The following EXOC5 variants were observed in gnomAD, a reference collection of about 807,000 sequenced individuals.
The protein encoded by EXOC5 is exocyst complex component 5.
A neutral mutation model predicts 90.8 loss-of-function variants in EXOC5; 17 were observed. That is an observed-to-expected ratio of 0.19 (90% confidence interval 0.13 to 0.28). The LOEUF (loss-of-function observed/expected upper bound fraction) is 0.28, where lower values mean the gene tolerates loss of function less well. EXOC5 is among the 10% of genes least tolerant of loss of function. The pLI is 1.00. For synonymous variants in EXOC5, 260 were observed against 270.0 expected (o/e 0.96, Z 0.36); for missense variants, 569 against 830.6 (o/e 0.69, Z 3.87).
At chr14:57,256,175 G>T (rs10133300) in intron 1 of EXOC5, among the ~76,000 whole-genome samples, 36,992 of 151,912 alleles carry the variant, frequency 0.24, 10,843 homozygotes, top group African/African-American at 0.71. Context: ...CTTTGGCTAG[G>T]GCAATCAACC....
chr14:57,268,666 C>T lies in EXOC5; in HGVS notation c.-18G>A. Reference sequence around the variant, plus strand: ...GTAGCCATCCCGGCCGGCTGAGAGGCTCGCCCCCCACTGGATGCCGTCTCC... The same window carrying T: ...GTAGCCATCCCGGCCGGCTGAGAGGTTCGCCCCCCACTGGATGCCGTCTCC... On this transcript the variant is annotated 5_prime_UTR_variant, in exon 1 of 18. Transcript: ENST00000621441. The T allele has an allele frequency of 1.9e-6, 3 of 1,580,376 alleles. No homozygotes were observed. The highest frequency in any genetic ancestry group is 1.7e-6 in the Non-Finnish European group (2 of 1,171,510).
Position 57,201,165 on chromosome 14 carries a change from C to A in EXOC5, c.*7444G>T, listed in dbSNP as rs969935931. ...AATCTTGATTTCTAACTGCCAATTTCACTAAAAGGTGGAGGAATGGCTGAT... is the reference window on the plus strand; with the variant it reads ...AATCTTGATTTCTAACTGCCAATTTAACTAAAAGGTGGAGGAATGGCTGAT... On this transcript the variant is annotated 3_prime_UTR_variant, in exon 18 of 18. Coordinates refer to ENST00000621441, the MANE Select transcript of EXOC5 (RefSeq NM_006544.4). The A allele has an allele frequency of 6.6e-6, 1 of 152,042 alleles. No homozygotes were observed. The highest frequency in any genetic ancestry group is 6.6e-5 in the Admixed American group (1 of 15,252). The allele number at this position is 152,042 out of a possible 1,614,324, so 9.4% of individuals were successfully genotyped here. A position where few individuals can be genotyped will look rare whatever the true frequency, so the allele number is the denominator to read the frequency against.
At chr14:57,250,849 A>G (rs1399737873) in intron 1 of EXOC5, among the ~76,000 whole-genome samples, 1 of 151,244 alleles carries the variant, frequency 6.6e-6, no homozygotes, top group Admixed American at 6.6e-5. Flanking sequence ...AATATAAAGT[A>G]GAGATCTACA....
At chr14:57,231,062 G>A (rs185278381) in intron 11 of EXOC5, among the ~76,000 whole-genome samples, 1 of 149,356 alleles carries the variant, frequency 6.7e-6, no homozygotes, top group East Asian at 2.0e-4. Flanking sequence ...AGGCTGGAGT[G>A]CAGTGGCGTA....
chr14:57,235,756 T>G lies in EXOC5; in HGVS notation c.624A>C (p.Glu208Asp). The G allele has an allele frequency of 6.4e-7, 1 of 1,558,368 alleles. No homozygotes were observed. Among genetic ancestry groups the G allele is most frequent in the Non-Finnish European group, 8.7e-7 (1 of 1,148,714 alleles). ...QEFTSAQRRG[E>D]ISRMREVAAV... is the part of the protein sequence containing the mutation. ...CTGCTACTTCTCTCATTCTGGAGAT[T>G]TCACCTCTTCTTTGAGCACTGGTAA... is the stretch of plus-strand genomic sequence containing the variant. Residue 208 changes from glutamate (E) to aspartate (D), a missense_variant, in exon 7 of 18, where the codon GAA (glutamate) becomes GAC (aspartate). Glu to Asp is a conservative substitution (Grantham distance 45, BLOSUM62 2). Coordinates refer to ENST00000621441, the MANE Select transcript of EXOC5 (RefSeq NM_006544.4).
At chr14:57,240,156 G>A (rs1356160170) in intron 4 of EXOC5, among the ~76,000 whole-genome samples, 1 of 151,380 alleles carries the variant, frequency 6.6e-6, no homozygotes, top group Non-Finnish European at 1.5e-5. Context: ...AAAGTTTAAT[G>A]TAAAGCCCCA....
At chr14:57,234,120 A>G (rs1883576216) in intron 7 of EXOC5, 88 bp from the exon 8 acceptor site, 2 of 1,018,368 alleles carry the variant, frequency 2.0e-6, no homozygotes, top group Non-Finnish European at 1.5e-6. Context: ...TCATAAAGCT[A>G]TGACTATTTA....
intron 13 of EXOC5, among the ~76,000 whole-genome samples, chr14:57,221,951 G>C (rs1217996857): frequency 2.0e-5 from 3 of 152,070 alleles, no homozygotes; most frequent in Non-Finnish European, 4.4e-5. Context: ...TCCAGACTTA[G>C]TTTTTAATAC....
intron 1 of EXOC5, among the ~76,000 whole-genome samples, chr14:57,262,123 G>C (rs1052659632): frequency 6.6e-6 from 1 of 152,096 alleles, no homozygotes; most frequent in African/African-American, 2.4e-5. Context: ...CTCCCTGATA[G>C]ATCTCTAATC....
At position 57,204,627 on chromosome 14, in the gene EXOC5, AT is replaced by A. The variant is rs1594640536; in HGVS notation, c.*3981del. The A allele has an allele frequency of 2.0e-5, 3 of 152,496 alleles. No individual in the cohort carries two copies. The highest frequency in any genetic ancestry group is 4.4e-5 in the Non-Finnish European group (3 of 67,940). The allele number at this position is 152,496 out of a possible 1,614,324, so 9.4% of individuals were successfully genotyped here. On this transcript the variant is annotated 3_prime_UTR_variant, in exon 18 of 18. Coordinates refer to ENST00000621441, the MANE Select transcript of EXOC5 (RefSeq NM_006544.4). ...TCTATGTCACAAAATATAGTACAAA[AT>A]ATTTGGTCTCTTTCTATTGTGAAAA...
At chr14:57,232,051 C>T (rs1883503449) in intron 10 of EXOC5, 1 of 197,378 alleles carries the variant, frequency 5.1e-6, no homozygotes, top group African/African-American at 2.4e-5. Context: ...AAACAGAGTA[C>T]TGAAAGATCT....
chr14:57,219,267 T>C (rs1883057408), intron 14 of EXOC5, 55 bp downstream of exon 14: 1 of 1,054,510 alleles, frequency 9.5e-7, no homozygotes, highest in African/African-American at 1.7e-5. Flanking sequence ...ATAGATTATG[T>C]AGAATGCTAT....
intron 15 of EXOC5, among the ~76,000 whole-genome samples, chr14:57,214,578 G>T (rs974402481): frequency 6.6e-6 from 1 of 152,038 alleles, no homozygotes; most frequent in Non-Finnish European, 1.5e-5. Flanking sequence ...TGGATAAGCG[G>T]TACTAAAGAT....
chr14:57,260,844 G>A (rs2139669830), intron 1 of EXOC5, among the ~76,000 whole-genome samples: 1 of 152,218 alleles, frequency 6.6e-6, no homozygotes, highest in Middle Eastern at 3.4e-3. Flanking sequence ...AACATTTATA[G>A]ACTGTGAAAT....
chr14:57,235,852 C>T (rs1883640659), intron 6 of EXOC5, 32 bp from the exon 7 acceptor site: 2 of 986,384 alleles, frequency 2.0e-6, no homozygotes, highest in Non-Finnish European at 3.2e-6. Flanking sequence ...TACACTGAGG[C>T]ATACAAGGCA....
chr14:57,242,387 G>C (rs1433197392), intron 4 of EXOC5, among the ~76,000 whole-genome samples: 2 of 150,502 alleles, frequency 1.3e-5, no homozygotes. Context: ...AGGATCTATG[G>C]ACATGTGCCA....
At chr14:57,227,953 C>T (rs373063590) in intron 12 of EXOC5, among the ~76,000 whole-genome samples, 27,017 of 148,876 alleles carry the variant, frequency 0.18, 5,258 homozygotes, top group African/African-American at 0.51. Context: ...TATACACACA[C>T]ACACACACAC....
chr14:57,224,244 A>C (rs1883236113), intron 12 of EXOC5, among the ~76,000 whole-genome samples: 1 of 152,096 alleles, frequency 6.6e-6, no homozygotes, highest in African/African-American at 2.4e-5. Context: ...AAATTGATGA[A>C]TACAAAACAG....
intron 1 of EXOC5, among the ~76,000 whole-genome samples, chr14:57,261,717 T>C (rs1038154324): frequency 1.3e-5 from 2 of 152,210 alleles, no homozygotes; most frequent in Admixed American, 6.5e-5. Context: ...GCTGCTCAAC[T>C]TGGCTAGAAG....
Sources: gnomAD v4.1 joint callset for allele counts (sites outside exome capture counted in the v4.1 genomes callset) on GRCh38, gnomAD v4.1.1 for gene constraint, MANE v1.5 for transcripts, NCBI Gene and HGNC (gene_info 2026-07-23, HGNC 2026-07-21) for gene names.